Variants in UBE2H observed in about 807,000 individuals in gnomAD.
UBE2H encodes the protein ubiquitin conjugating enzyme E2 H.
A neutral mutation model predicts 29.0 loss-of-function variants in UBE2H; 3 were observed. The observed-to-expected ratio is 0.10, with a 90% CI of 0.05 to 0.27. The LOEUF is 0.27. Ranked by LOEUF, UBE2H falls within the 10% of genes least tolerant of loss-of-function variation. The pLI is 1.00. For missense variants in UBE2H, 68 were observed against 228.2 expected (o/e 0.30, Z 4.52); for synonymous variants, 69 against 82.9 (o/e 0.83, Z 0.91).
chr7:129,846,822 C>T (rs2116286478), intron 5 of UBE2H, among the ~76,000 whole-genome samples: 1 of 152,298 alleles, frequency 6.6e-6, no homozygotes, highest in African/African-American at 2.4e-5. Context: ...CTCAATCCCA[C>T]TTACCCCATC....
chr7:129,891,274 C>T (rs571397507), intron 1 of UBE2H, among the ~76,000 whole-genome samples: 5 of 152,068 alleles, frequency 3.3e-5, no homozygotes, highest in Non-Finnish European at 5.9e-5. Flanking sequence ...CAACCTCTGC[C>T]TCCCCAGTTC....
intron 3 of UBE2H, among the ~76,000 whole-genome samples, chr7:129,873,425 C>CTTTTTTTT (rs373132869): frequency 8.1e-6 from 1 of 122,978 alleles, no homozygotes; most frequent in Non-Finnish European, 1.7e-5. Flanking sequence ...ACATCAAATT[C>CTTTTTTTT]TTTTTTTTTT....
At chr7:129,839,973 G>A (rs1010466065) in intron 5 of UBE2H, among the ~76,000 whole-genome samples, 1 of 152,184 alleles carries the variant, frequency 6.6e-6, no homozygotes, top group African/African-American at 2.4e-5. Context: ...GCCTTCCAAA[G>A]TGCTGGGATT....
intron 5 of UBE2H, among the ~76,000 whole-genome samples, chr7:129,840,367 A>T (rs1432454497): frequency 2.7e-5 from 4 of 150,538 alleles, no homozygotes; most frequent in Admixed American, 6.6e-5. Context: ...TTTTTTTTTT[A>T]AATAGAGACA....
intron 1 of UBE2H, among the ~76,000 whole-genome samples, chr7:129,905,596 G>C (rs1008341963): frequency 6.6e-6 from 1 of 152,126 alleles, no homozygotes; most frequent in African/African-American, 2.4e-5. Context: ...CAAAGGATAA[G>C]GTTGGCCAGA....
At chr7:129,859,562 C>T (rs1184783262) in intron 3 of UBE2H, among the ~76,000 whole-genome samples, 1 of 152,144 alleles carries the variant, frequency 6.6e-6, no homozygotes, top group East Asian at 1.9e-4. Context: ...AAAAAATACT[C>T]TAAGTTGGCT....
intron 1 of UBE2H, among the ~76,000 whole-genome samples, chr7:129,951,604 T>C (rs180842062): frequency 6.6e-6 from 1 of 152,284 alleles, no homozygotes; most frequent in Admixed American, 6.5e-5. Flanking sequence ...TTATCAGTTA[T>C]AGCTTTCCCA....
intron 1 of UBE2H, among the ~76,000 whole-genome samples, chr7:129,891,810 C>CAAAAAAA (rs60595166): frequency 4.8e-5 from 7 of 145,528 alleles, no homozygotes; most frequent in African/African-American, 1.6e-4. Flanking sequence ...AAAACAAAAA[C>CAAAAAAA]AAAAAAAAAA....
At chr7:129,871,728 A>AC (rs1806038150) in intron 3 of UBE2H, among the ~76,000 whole-genome samples, 1 of 151,930 alleles carries the variant, frequency 6.6e-6, no homozygotes, top group Admixed American at 6.6e-5. Flanking sequence ...AAAAAAAAAA[A>AC]AGATATAGAT....
At chr7:129,906,478 T>G (rs2116435551) in intron 1 of UBE2H, among the ~76,000 whole-genome samples, 1 of 152,276 alleles carries the variant, frequency 6.6e-6, no homozygotes, top group African/African-American at 2.4e-5. Context: ...GTGCTGGGAT[T>G]ACAGTTGTGA....
chr7:129,930,683 T>C (rs570714823), intron 1 of UBE2H, among the ~76,000 whole-genome samples: 146 of 149,586 alleles, frequency 9.8e-4, no homozygotes, highest in African/African-American at 3.4e-3. Flanking sequence ...CCGAGGCGGG[T>C]GGATCACGAG....
intron 1 of UBE2H, among the ~76,000 whole-genome samples, chr7:129,890,341 A>ATATG (rs1327937357): frequency 6.6e-6 from 1 of 151,834 alleles, no homozygotes. Context: ...GTGTGTATAT[A>ATATG]TATGTATGTA....
At chr7:129,851,515 G>T (rs1410493110) in intron 5 of UBE2H, among the ~76,000 whole-genome samples, 1 of 152,216 alleles carries the variant, frequency 6.6e-6, no homozygotes, top group African/African-American at 2.4e-5. Context: ...CAAGCCAAGT[G>T]TCCATACGCT....
intron 1 of UBE2H, among the ~76,000 whole-genome samples, chr7:129,920,559 TTATA>T (rs1807137010): frequency 2.0e-5 from 3 of 152,004 alleles, no homozygotes; most frequent in Admixed American, 6.6e-5. Context: ...AAATGTATAT[TTATA>T]TAAACATACA....
At position 129,861,305 on chromosome 7, in the gene UBE2H, A is replaced by C. The variant is rs373327685; in HGVS notation, c.206-2364T>G. Among the ~76,000 whole-genome samples the C allele has an allele frequency of 3.5e-4, 54 of 152,326 alleles. No individual in the cohort carries two copies. In the East Asian group the frequency reaches 9.3e-3, roughly 26 times the overall value. Reference sequence around the variant, plus strand: ...GCTTCTATATTATTTGCTCTGTTTAAAACATATGCACATAAATAAGAAACT... The same window carrying C: ...GCTTCTATATTATTTGCTCTGTTTACAACATATGCACATAAATAAGAAACT... On this transcript the variant is annotated intron_variant, in intron 3 of 6. Coordinates refer to ENST00000355621, the MANE Select transcript of UBE2H (RefSeq NM_003344.4).
At chr7:129,892,903 G>C (rs968589058) in intron 1 of UBE2H, among the ~76,000 whole-genome samples, 1 of 152,034 alleles carries the variant, frequency 6.6e-6, no homozygotes, top group Non-Finnish European at 1.5e-5. Context: ...AATAAAATAT[G>C]TAACTTTTAG....
chr7:129,949,720 G>A (rs1288144672), intron 1 of UBE2H, among the ~76,000 whole-genome samples: 1 of 152,056 alleles, frequency 6.6e-6, no homozygotes, highest in African/African-American at 2.4e-5. Flanking sequence ...GGAAGGCAGC[G>A]GCCAATTAGT....
intron 3 of UBE2H, among the ~76,000 whole-genome samples, chr7:129,872,586 A>C (rs948110164): frequency 2.6e-5 from 4 of 152,060 alleles, no homozygotes; most frequent in African/African-American, 9.7e-5. Context: ...TCACGCCTGT[A>C]ATCTCAGCAC....
intron 5 of UBE2H, among the ~76,000 whole-genome samples, chr7:129,850,601 A>T (rs1805591027): frequency 6.6e-6 from 1 of 152,202 alleles, no homozygotes; most frequent in East Asian, 1.9e-4. Context: ...GTGGATCATG[A>T]GGTCAGGAGT....
Sources: gnomAD v4.1 joint callset for allele counts (sites outside exome capture counted in the v4.1 genomes callset) on GRCh38, gnomAD v4.1.1 for gene constraint, MANE v1.5 for transcripts, NCBI Gene and HGNC (gene_info 2026-07-23, HGNC 2026-07-21) for gene names.